Variants in DMBT1 observed in about 807,000 individuals in gnomAD.
DMBT1 encodes scavenger receptor cysteine-rich domain-containing protein DMBT1.
A neutral mutation model predicts 252.9 loss-of-function variants in DMBT1; 198 were observed. That is an observed-to-expected ratio of 0.78 (90% CI 0.70 to 0.88). The LOEUF (loss-of-function observed/expected upper bound fraction) is 0.88. DMBT1 is among the 40% of genes least tolerant of loss of function. The probability of loss-of-function intolerance (pLI) is 0.00; values close to 1 mark genes in which losing one functional copy is unlikely to be tolerated. For missense variants in DMBT1, 2,432 were observed against 2,404.7 expected, an observed-to-expected ratio of 1.01 and a Z score of -0.24; for synonymous variants, 990 against 942.7, an observed-to-expected ratio of 1.05 and a Z score of -0.92.
At chr10:122,574,150 T>C (rs1386071030) in intron 6 of DMBT1, among the ~76,000 whole-genome samples, 7 of 152,232 alleles carry the variant, frequency 4.6e-5, no homozygotes, top group African/African-American at 1.7e-4. Context: ...GCCAAATTGC[T>C]AGGACAGCAT....
At chr10:122,571,189 G>T (rs1426321806) in intron 4 of DMBT1, among the ~76,000 whole-genome samples, 1 of 152,186 alleles carries the variant, frequency 6.6e-6, no homozygotes, top group Non-Finnish European at 1.5e-5. Flanking sequence ...CTGAATTGGT[G>T]TTTGGAGGGT....
intron 25 of DMBT1, 22 bp from the exon 26 acceptor site, chr10:122,598,752 G>A (rs2097909927): frequency 2.5e-6 from 4 of 1,612,648 alleles, no homozygotes; most frequent in East Asian, 4.5e-5. Flanking sequence ...GATGGATGAA[G>A]GATTCTTGTG....
Position 122,630,192 on chromosome 10 carries a change from G to T in DMBT1, c.5823-96G>T, listed in dbSNP as rs139253589. On this transcript the variant is annotated intron_variant, in intron 47 of 55. Coordinates refer to ENST00000338354, the MANE Select transcript of DMBT1 (RefSeq NM_001377530.1). ...TGAGGAAGAGCTAGAAGAAAAACCT[G>T]TATTCAATGGCATCCCTCGTAAAGT... 5.8e-6 allele frequency: 8 copies of T among 1,384,546 alleles called. No homozygotes were observed. The South Asian group carries it at 1.0e-4, about 18-fold the overall frequency. The allele number at this position is 1,384,546 out of a possible 1,614,324, so 85.8% of individuals were successfully genotyped here.
At chr10:122,577,676 G>A (rs1284420204) in intron 7 of DMBT1, 135 bp from the exon 8 acceptor site, 5 of 948,554 alleles carry the variant, frequency 5.3e-6, no homozygotes, top group South Asian at 1.7e-5. Context: ...TTCACGGTGG[G>A]CACTGGCAGG....
chr10:122,570,440 G>A (rs2097650872), intron 3 of DMBT1, among the ~76,000 whole-genome samples: 1 of 152,196 alleles, frequency 6.6e-6, no homozygotes, highest in Non-Finnish European at 1.5e-5. Context: ...ACTTTGTGAT[G>A]GTTTAGTTTT....
rs1041921642 is a variant in DMBT1, at chr10:122,577,701, C to T, written c.608-110C>T. 8.6e-5 allele frequency: 109 copies of T among 1,265,284 alleles called. No individual in the cohort carries two copies. The Admixed American group carries it at 1.9e-3, about 23-fold the overall frequency. 78.4% of individuals were successfully genotyped at this position (1,265,284 alleles called of 1,614,324 possible). A position where few individuals can be genotyped will look rare whatever the true frequency, so the allele number is the denominator to read the frequency against. ...GCACTGGCAGGGCCCACTTGGTGGG[C>T]GTGTGATGGGCATCAGCTCAGGGTG... is the stretch of plus-strand genomic sequence containing the variant. On this transcript the variant is annotated intron_variant, in intron 7 of 55. Transcript: ENST00000338354.
In DMBT1 at chr10:122,598,928, C is replaced by G; in HGVS notation, c.3111C>G (p.Gly1037=). Residue 1037 remains glycine, a synonymous_variant, in exon 26 of 56, where the codon GGC becomes GGG. Transcript: ENST00000338354. ...ANVVCRQLGC[G]WAMSAPGNAR... is the part of the protein sequence containing the mutation. ...TCGTCTGCAGGCAACTGGGCTGTGG[C>G]TGGGCCATGTCAGCCCCAGGAAATG... The G allele has an allele frequency of 6.2e-7, 1 of 1,613,804 alleles. No individual in the cohort carries two copies. The highest frequency in any genetic ancestry group is 2.2e-5 in the East Asian group (1 of 44,862).
At chr10:122,585,207 T>A in intron 14 of DMBT1, 64 bp from the exon 15 acceptor site, 2 of 1,559,840 alleles carry the variant, frequency 1.3e-6, no homozygotes, top group Non-Finnish European at 1.8e-6. Flanking sequence ...CTCCGGAGAC[T>A]TTTCCTTTTG....
rs556774273 is a variant in DMBT1 at position 122,589,257 on chromosome 10, C to T, written c.2097C>T (p.Val699=). The T allele has an allele frequency of 3.8e-6, 6 of 1,588,582 alleles. No individual in the cohort carries two copies. The highest frequency in any genetic ancestry group is 1.3e-5 in the African/African-American group (1 of 74,686). The change falls in exon 17 of 56, where the codon GTC becomes GTT. Residue 699 remains valine (V), a synonymous_variant. Transcript: ENST00000338354. ...GTGGCCATCATGAAGATGCTGGTGT[C>T]ATCTGCTCAGGTGGGCCTCCAGCAA... is the stretch of plus-strand genomic sequence containing the variant. ...HNCGHHEDAG[V]ICSAAQSRST...
At position 122,631,010 on chromosome 10, in the gene DMBT1, C is replaced by T. The variant is rs201042001; in HGVS notation, c.6075C>T (p.Ala2025=). The T allele has an allele frequency of 6.0e-5, 96 of 1,612,692 alleles. No individual in the cohort carries two copies. Among genetic ancestry groups the T allele is most frequent in the East Asian group, 3.8e-4 (17 of 44,816 alleles). The stretch of plus-strand genomic sequence containing the variant: ...TAAATTCATCCTATGGTCTATGTGC[C>T]GGGCGTGTAGAAATTTACCATGGTG... ...VNLNSSYGLC[A]GRVEIYHGGT... is the part of the protein sequence containing the mutation. Residue 2025 remains alanine (A), a synonymous_variant, in exon 49 of 56, where the codon GCC becomes GCT. Transcript: ENST00000338354.
At chr10:122,584,765 C>T (rs1170806914) in intron 14 of DMBT1, among the ~76,000 whole-genome samples, 2 of 149,272 alleles carry the variant, frequency 1.3e-5, no homozygotes, top group African/African-American at 4.9e-5. Flanking sequence ...AATGTCAGTG[C>T]AGGCCTGACA....
At chr10:122,561,456 G>A (rs1166852359) in intron 1 of DMBT1, among the ~76,000 whole-genome samples, 1 of 152,164 alleles carries the variant, frequency 6.6e-6, no homozygotes. Flanking sequence ...AAACGTGAGA[G>A]AGCCGTCGGT....
Position 122,573,758 on chromosome 10 carries a change from A to G in DMBT1, c.279A>G (p.Ala93=). ...PSESTLESTV[A]EGSDSGLALR... ...AGTCAACCCTGGAGTCAACTGTAGC[A>G]GAAGGTAACGTCTACTATGGGGGAT... is the stretch of plus-strand genomic sequence containing the variant. The change falls in exon 6 of 56, where the codon GCA becomes GCG. Residue 93 remains alanine (A), a synonymous_variant. Coordinates refer to ENST00000338354, the MANE Select transcript of DMBT1 (RefSeq NM_001377530.1). 1 of 1,613,854 alleles carries G rather than the reference A, an allele frequency of 6.2e-7. No homozygotes were observed. The highest frequency in any genetic ancestry group is 8.5e-7 in the Non-Finnish European group (1 of 1,179,766).
chr10:122,641,923 T>C (rs1162224255), intron 55 of DMBT1, among the ~76,000 whole-genome samples: 1 of 151,974 alleles, frequency 6.6e-6, no homozygotes, highest in Non-Finnish European at 1.5e-5. Context: ...ACCCATACAT[T>C]CTCTGTTTGG....
At chr10:122,634,340 T>TTTTCTTTCTTTCTTTCTTTC (rs776949913) in intron 52 of DMBT1, among the ~76,000 whole-genome samples, 2 of 99,902 alleles carry the variant, frequency 2.0e-5, no homozygotes, top group African/African-American at 3.9e-5. Flanking sequence ...CTAAAAGCAC[T>TTTTCTTTCTTTCTTTCTTTC]TTTCTTTCTT....
rs370527817 is a variant in DMBT1 at position 122,592,334 on chromosome 10, G to T, written c.2239G>T (p.Glu747Ter). The change falls in exon 20 of 56, where the codon GAG (glutamate) becomes TAG (stop). Residue 747 changes from glutamate (E) to a stop codon, truncating the protein, a stop_gained. Transcript: ENST00000338354. LOFTEE classifies it high-confidence loss of function. ...AAGTGACAGGTGTCAGGGCCGAGTA[G>T]AGGTCCTATACCGAGGCTCCTGGGG... The part of the protein sequence containing the change: ...NGSDRCQGRV[E>*]VLYRGSWGTV... 12 of 1,587,928 alleles carry T rather than the reference G, an allele frequency of 7.6e-6. No homozygotes were observed. Among genetic ancestry groups the T allele is most frequent in the Non-Finnish European group, 9.4e-6 (11 of 1,165,714 alleles).
intron 40 of DMBT1, among the ~76,000 whole-genome samples, 191 bp from the exon 41 acceptor site, chr10:122,617,826 A>C (rs1226470920): frequency 6.6e-6 from 1 of 151,544 alleles, no homozygotes; most frequent in African/African-American, 2.4e-5. Flanking sequence ...AGCCTCCATA[A>C]ACCCAGGCAG....
At position 122,579,722 on chromosome 10, in the gene DMBT1, T is replaced by C; in HGVS notation, c.824T>C (p.Leu275Pro). Residue 275 changes from leucine (L) to proline (P), a missense_variant, in exon 10 of 56, where the codon CTG (leucine) becomes CCG (proline). Physicochemically the swap from Leu to Pro is moderately conservative, Grantham distance 98. Coordinates refer to ENST00000338354, the MANE Select transcript of DMBT1 (RefSeq NM_001377530.1). ...GATGCCAATGTGGTCTGCAGGCAGC[T>C]GGGCTGTGGCTGGGCCATGTCAGCC... ...TNDANVVCRQ[L>P]GCGWAMSAPG... 6.2e-7 allele frequency: 1 copy of C among 1,613,890 alleles called. No homozygotes were observed.
At chr10:122,571,050 G>A in intron 4 of DMBT1, 113 bp downstream of exon 4, 1 of 1,302,022 alleles carries the variant, frequency 7.7e-7, no homozygotes, top group Non-Finnish European at 1.1e-6. Flanking sequence ...CTGGTGTCAT[G>A]TTCTCAGGTA....
Sources: allele counts gnomAD v4.1 joint callset (sites outside exome capture counted in the v4.1 genomes callset), GRCh38; gene constraint gnomAD v4.1.1; transcripts MANE v1.5; gene names NCBI Gene and HGNC (gene_info 2026-07-23, HGNC 2026-07-21).